The following INTS9 variants were observed in gnomAD, a reference collection of about 807,000 sequenced individuals.
The protein encoded by INTS9 is protein related to CPSF subunits of 74 kDa.
A neutral mutation model predicts 79.7 loss-of-function variants in INTS9; 55 were observed. The observed-to-expected ratio is 0.69, with a 90% CI of 0.56 to 0.86. INTS9 has a LOEUF of 0.86. Among genes scored for constraint, INTS9 ranks in the 40% least tolerant of loss-of-function variants. The pLI is 0.00. For synonymous variants in INTS9, 319 were observed against 325.2 expected (o/e 0.98, Z 0.20); for missense variants, 721 against 831.5 (o/e 0.87, Z 1.64).
intron 6 of INTS9, among the ~76,000 whole-genome samples, chr8:28,832,180 C>A (rs1192131040): frequency 6.6e-6 from 1 of 152,006 alleles, no homozygotes; most frequent in Non-Finnish European, 1.5e-5. Flanking sequence ...GGGGTCCTGT[C>A]CAGTCCAGTG....
intron 6 of INTS9, among the ~76,000 whole-genome samples, chr8:28,822,180 G>A (rs1472820671): frequency 6.6e-6 from 1 of 151,864 alleles, no homozygotes; most frequent in Non-Finnish European, 1.5e-5. Context: ...TTTTGCGGAA[G>A]AACAAACAAA....
intron 6 of INTS9, among the ~76,000 whole-genome samples, chr8:28,822,303 CTT>C (rs35442249): frequency 1.1e-4 from 17 of 150,300 alleles, no homozygotes; most frequent in African/African-American, 4.1e-4. Flanking sequence ...GGGTAGAAAA[CTT>C]TTTTTTTTAA....
chr8:28,882,513 T>G (rs1585537928), intron 1 of INTS9, among the ~76,000 whole-genome samples: 1 of 93,186 alleles, frequency 1.1e-5, no homozygotes, highest in African/African-American at 4.3e-5. Context: ...AAGAAATATA[T>G]GCAAGCGATA....
intron 6 of INTS9, among the ~76,000 whole-genome samples, chr8:28,818,386 C>T (rs1188402757): frequency 6.6e-6 from 1 of 150,938 alleles, no homozygotes; most frequent in Non-Finnish European, 1.5e-5. Flanking sequence ...TGTCAAAGGC[C>T]TTTTCTGCAT....
chr8:28,799,213 T>C (rs1804382379), intron 8 of INTS9, among the ~76,000 whole-genome samples: 1 of 152,156 alleles, frequency 6.6e-6, no homozygotes, highest in Non-Finnish European at 1.5e-5. Flanking sequence ...GGAGAATTGT[T>C]TGAACCCGGG....
chr8:28,828,941 C>G (rs762514526), intron 6 of INTS9, among the ~76,000 whole-genome samples: 1 of 152,158 alleles, frequency 6.6e-6, no homozygotes, highest in Non-Finnish European at 1.5e-5. Flanking sequence ...CCTTGGCCCC[C>G]CAAAGTGCTG....
intron 6 of INTS9, among the ~76,000 whole-genome samples, chr8:28,819,308 C>G (rs1805686992): frequency 6.6e-6 from 1 of 152,208 alleles, no homozygotes; most frequent in Admixed American, 6.5e-5. Context: ...AAATTTCCCT[C>G]TACACACTGC....
intron 15 of INTS9, 26 bp downstream of exon 15, chr8:28,770,956 C>T (rs1397694101): frequency 1.3e-6 from 2 of 1,572,924 alleles, no homozygotes; most frequent in South Asian, 1.1e-5. Flanking sequence ...AGAGGGTCCC[C>T]TGCACTCCCA....
chr8:28,825,054 C>T (rs1317599379), intron 6 of INTS9, among the ~76,000 whole-genome samples: 8 of 152,168 alleles, frequency 5.3e-5, no homozygotes, highest in South Asian at 2.1e-4. Context: ...TTGACTCTGA[C>T]GAGCAGCAAC....
intron 8 of INTS9, among the ~76,000 whole-genome samples, chr8:28,804,721 C>A (rs1008356105): frequency 6.6e-6 from 1 of 152,142 alleles, no homozygotes; most frequent in Admixed American, 6.5e-5. Context: ...TAAAATCTAT[C>A]CCCACAGGGA....
At chr8:28,857,542 T>G (rs564575880) in intron 2 of INTS9, among the ~76,000 whole-genome samples, 1 of 152,244 alleles carries the variant, frequency 6.6e-6, no homozygotes, top group South Asian at 2.1e-4. Context: ...TAAAAGTGAA[T>G]GATTATAATT....
intron 3 of INTS9, among the ~76,000 whole-genome samples, chr8:28,849,523 T>A (rs1301990760): frequency 6.6e-6 from 1 of 152,000 alleles, no homozygotes; most frequent in Non-Finnish European, 1.5e-5. Context: ...ATAAAGATTG[T>A]CCATTCTAGG....
chr8:28,888,456 G>A (rs556897516), intron 1 of INTS9, among the ~76,000 whole-genome samples: 254 of 143,274 alleles, frequency 1.8e-3, no homozygotes, highest in African/African-American at 6.0e-3. Context: ...CTGACGCGGC[G>A]AGAGGATCGC....
At chr8:28,812,078 A>T (rs1304778077) in intron 8 of INTS9, among the ~76,000 whole-genome samples, 1 of 152,218 alleles carries the variant, frequency 6.6e-6, no homozygotes, top group Non-Finnish European at 1.5e-5. Context: ...TGTGTCCCAC[A>T]TCAGGCTATG....
rs1383954745 is a variant in INTS9 at position 28,780,845 on chromosome 8, A to C, written c.1248T>G (p.Ser416Arg). The stretch of plus-strand genomic sequence containing the variant: ...TACCCGTGAATATGACGGTATTGAG[A>C]CTAGATTTTCCCCAGAGCTCCATGA... The part of the protein sequence containing the change: ...VHFMELWGKS[S>R]LNTVIFTEPD... Residue 416 changes from serine (S) to arginine (R), a missense_variant, in exon 12 of 17, where the codon AGT becomes AGG. By Grantham distance (110) the Ser-to-Arg change is moderately radical. Transcript: ENST00000521022. 9 of 1,613,952 alleles carry C rather than the reference A, an allele frequency of 5.6e-6. No homozygotes were observed. Among genetic ancestry groups the C allele is most frequent in the Non-Finnish European group, 7.6e-6 (9 of 1,180,026 alleles).
chr8:28,846,895 T>A (rs778288678), intron 3 of INTS9, 86 bp from the exon 4 acceptor site: 9 of 982,158 alleles, frequency 9.2e-6, no homozygotes, highest in Non-Finnish European at 1.5e-5. Flanking sequence ...ACAAAACTTT[T>A]CATGAAGAAT....
chr8:28,786,120 TG>T lies in INTS9; in HGVS notation c.1098+1708del, dbSNP rs1428995807. ...CATACCATATCTACTCTTTTATATC[TG>T]GATCTTTCACTCACATTATGTTTGT... is the stretch of plus-strand genomic sequence containing the variant. On this transcript the variant is annotated intron_variant, in intron 11 of 16. Coordinates refer to ENST00000521022, the MANE Select transcript of INTS9 (RefSeq NM_018250.4). Among the ~76,000 whole-genome samples, 3 of 152,208 alleles carry T rather than the reference TG, an allele frequency of 2.0e-5. No individual in the cohort carries two copies. The East Asian group carries it at 5.8e-4, about 29-fold the overall frequency.
At chr8:28,848,890 A>G (rs1331776900) in intron 3 of INTS9, among the ~76,000 whole-genome samples, 1 of 152,190 alleles carries the variant, frequency 6.6e-6, no homozygotes, top group Admixed American at 6.5e-5. Context: ...TGGTAATGGG[A>G]TGCTTCGGAG....
chr8:28,776,054 T>C, intron 13 of INTS9, 128 bp from the exon 14 acceptor site: 1 of 703,646 alleles, frequency 1.4e-6, no homozygotes, highest in Non-Finnish European at 2.3e-6. Flanking sequence ...AGGTGAACTT[T>C]CATCCTCTCA....
Sources: gnomAD v4.1 joint callset for allele counts (sites outside exome capture counted in the v4.1 genomes callset) on GRCh38, gnomAD v4.1.1 for gene constraint, MANE v1.5 for transcripts, NCBI Gene and HGNC (gene_info 2026-07-23, HGNC 2026-07-21) for gene names.